EXD1: variants seen among roughly 807,000 people sequenced by gnomAD.
The protein encoded by EXD1 is exonuclease 3'-5' domain containing 1.
A neutral mutation model predicts 49.1 loss-of-function variants in EXD1; 63 were observed. The ratio of observed to expected loss-of-function variants is 1.28; its 90% CI spans 1.05 to 1.58. The LOEUF (loss-of-function observed/expected upper bound fraction) is 1.58. EXD1 is among the 40% of genes most tolerant of loss of function. The probability of loss-of-function intolerance (pLI) is 0.00; values close to 1 mark genes in which losing one functional copy is unlikely to be tolerated. For missense variants in EXD1, 748 were observed against 666.0 expected (o/e 1.12, Z -1.36); for synonymous variants, 234 against 239.2 (o/e 0.98, Z 0.20).
At chr15:41,216,907 AC>A (rs1283269598) in intron 4 of EXD1, 112 bp from the exon 5 acceptor site, 14 of 1,494,736 alleles carry the variant, frequency 9.4e-6, no homozygotes, top group Non-Finnish European at 9.9e-6. Context: ...TAACTAGAGG[AC>A]CCATTCATCC....
At chr15:41,223,474 A>G (rs1385910037) in intron 2 of EXD1, among the ~76,000 whole-genome samples, 1 of 151,364 alleles carries the variant, frequency 6.6e-6, no homozygotes, top group Non-Finnish European at 1.5e-5. Context: ...TAATCCCAGC[A>G]CTTTGGGAGG....
chr15:41,203,626 C>G (rs1457272030), intron 7 of EXD1, among the ~76,000 whole-genome samples: 1 of 151,878 alleles, frequency 6.6e-6, no homozygotes, highest in Non-Finnish European at 1.5e-5. Context: ...GCCATAAAAC[C>G]TAAAAATAGG....
At chr15:41,209,063 G>GA (rs1346082610) in intron 7 of EXD1, among the ~76,000 whole-genome samples, 1 of 152,060 alleles carries the variant, frequency 6.6e-6, no homozygotes, top group Non-Finnish European at 1.5e-5. Context: ...AGTACCAGGA[G>GA]AAGGAAGAAC....
chr15:41,225,810 C>T (rs2047155230), intron 2 of EXD1, among the ~76,000 whole-genome samples: 1 of 151,736 alleles, frequency 6.6e-6, no homozygotes, highest in Non-Finnish European at 1.5e-5. Flanking sequence ...ATCACTTGAA[C>T]TTGGGAGGCG....
At chr15:41,216,980 C>T in intron 4 of EXD1, 117 bp downstream of exon 4, 2 of 1,300,136 alleles carry the variant, frequency 1.5e-6, no homozygotes, top group Non-Finnish European at 2.1e-6. Context: ...TATATTTCTT[C>T]TCATTTCTAT....
intron 7 of EXD1, among the ~76,000 whole-genome samples, chr15:41,206,695 C>T (rs953917305): frequency 7.2e-6 from 1 of 138,036 alleles, no homozygotes; most frequent in African/African-American, 2.6e-5. Context: ...AATCTCGGCT[C>T]ACTGAAACCT....
Position 41,184,521 on chromosome 15 carries a change from C to T in EXD1, c.1129G>A (p.Ala377Thr), listed in dbSNP as rs1379920392. Residue 377 changes from alanine to threonine, a missense_variant, in exon 12 of 12, where the codon GCA becomes ACA. Transcript: ENST00000458580. ...DFQKQRREKA[A>T]REYRVNAQGL... Reference sequence around the variant, plus strand: ...TGTGCATTCACCCTATATTCTCTTGCAGCTTTCTCCCTGCGCTGCTTCTGG... The same window carrying T: ...TGTGCATTCACCCTATATTCTCTTGTAGCTTTCTCCCTGCGCTGCTTCTGG... 6.2e-7 allele frequency: 1 copy of T among 1,613,522 alleles called. No individual in the cohort carries two copies. Among genetic ancestry groups the T allele is most frequent in the Non-Finnish European group, 8.5e-7 (1 of 1,179,864 alleles).
At chr15:41,193,449 A>C (rs534738431) in intron 9 of EXD1, among the ~76,000 whole-genome samples, 2 of 151,560 alleles carry the variant, frequency 1.3e-5, no homozygotes, top group African/African-American at 4.9e-5. Context: ...TCTGGGGGGG[A>C]AAAAAATGGG....
At chr15:41,224,318 A>G (rs1319038264) in intron 2 of EXD1, among the ~76,000 whole-genome samples, 1 of 152,186 alleles carries the variant, frequency 6.6e-6, no homozygotes, top group Non-Finnish European at 1.5e-5. Context: ...CTGAGATATA[A>G]AACAATCAAT....
At position 41,193,738 on chromosome 15, in the gene EXD1, C is replaced by T. The variant is rs574264631; in HGVS notation, c.720+2037G>A. 1.6e-3 allele frequency among the ~76,000 whole-genome samples: 228 copies of T among 139,794 alleles called. 1 individual carries two copies. Among genetic ancestry groups the T allele is most frequent in the African/African-American group, 6.7e-3 (221 of 33,232 alleles). 91.7% of individuals were successfully genotyped at this position (139,794 alleles called of 152,430 possible). A position where few individuals can be genotyped will look rare whatever the true frequency, so the allele number is the denominator to read the frequency against. On this transcript the variant is annotated intron_variant, in intron 9 of 11. Coordinates refer to ENST00000458580, the MANE Select transcript of EXD1 (RefSeq NM_001286441.2). ...TCCAGCCTGGGCAACAGAGCCAGAC[C>T]TTGTCTCAAAAAAAAAAAATTACTT...
chr15:41,195,910 C>G, intron 8 of EXD1, 23 bp downstream of exon 8: 1 of 1,608,898 alleles, frequency 6.2e-7, no homozygotes, highest in Non-Finnish European at 8.5e-7. Flanking sequence ...CTTAATAGCA[C>G]AGGAATCAGT....
intron 2 of EXD1, among the ~76,000 whole-genome samples, chr15:41,220,337 C>G (rs1179396824): frequency 6.6e-6 from 1 of 151,466 alleles, no homozygotes; most frequent in South Asian, 2.1e-4. Context: ...GTAGCGCAAT[C>G]TCGGCTCACT....
At chr15:41,214,626 A>G (rs1343178878) in intron 6 of EXD1, among the ~76,000 whole-genome samples, 1 of 151,784 alleles carries the variant, frequency 6.6e-6, no homozygotes, top group Non-Finnish European at 1.5e-5. Flanking sequence ...GCCCCCTTCC[A>G]TCTCCTACCA....
At chr15:41,195,663 C>CAAA (rs33987701) in intron 9 of EXD1, 112 bp downstream of exon 9, 571 of 550,740 alleles carry the variant, frequency 1.0e-3, no homozygotes, top group South Asian at 1.3e-3. Context: ...AATGGAGCAC[C>CAAA]AAAAAAAAAA....
intron 6 of EXD1, among the ~76,000 whole-genome samples, chr15:41,212,396 A>G (rs1306867177): frequency 1.3e-5 from 2 of 152,104 alleles, no homozygotes; most frequent in East Asian, 3.9e-4. Flanking sequence ...CAGAGCTTGC[A>G]GTGAGCCGAG....
At chr15:41,224,929 T>C (rs1448007258) in intron 2 of EXD1, among the ~76,000 whole-genome samples, 2 of 151,994 alleles carry the variant, frequency 1.3e-5, no homozygotes, top group East Asian at 1.9e-4. Context: ...CACCATACCA[T>C]TGCAATCCAG....
chr15:41,203,344 C>T (rs1434872933), intron 7 of EXD1, among the ~76,000 whole-genome samples: 1 of 152,032 alleles, frequency 6.6e-6, no homozygotes, highest in Non-Finnish European at 1.5e-5. Flanking sequence ...AATGTTTAGA[C>T]AGAAGAGGGT....
At chr15:41,213,950 AAAAC>A (rs1445912416) in intron 6 of EXD1, among the ~76,000 whole-genome samples, 1 of 152,164 alleles carries the variant, frequency 6.6e-6, no homozygotes, top group African/African-American at 2.4e-5. Context: ...TCAGACTTAA[AAAAC>A]AACCTGTTGT....
intron 11 of EXD1, among the ~76,000 whole-genome samples, chr15:41,188,074 T>A (rs972189877): frequency 3.0e-4 from 44 of 148,742 alleles, no homozygotes; most frequent in African/African-American, 9.6e-4. Flanking sequence ...TATTCATAAG[T>A]AAAAGTGGTT....
Sources: allele counts gnomAD v4.1 joint callset (sites outside exome capture counted in the v4.1 genomes callset), GRCh38; gene constraint gnomAD v4.1.1; transcripts MANE v1.5; gene names NCBI Gene and HGNC (gene_info 2026-07-23, HGNC 2026-07-21).